Variants in DCXR observed in about 807,000 individuals in gnomAD.
DCXR encodes dicarbonyl and L-xylulose reductase, also known as L-xylulose reductase.
Under a neutral mutation model 25.9 loss-of-function variants are expected in DCXR, and 24 were observed. The observed-to-expected ratio is 0.93, with a 90% confidence interval of 0.67 to 1.30. The LOEUF (loss-of-function observed/expected upper bound fraction) is 1.30. Ranked by LOEUF, DCXR falls within the 50% of genes most tolerant of loss-of-function variation. The pLI is 0.00. For missense variants in DCXR, 348 were observed against 333.7 expected (o/e 1.04, Z -0.33); for synonymous variants, 161 against 141.7 (o/e 1.14, Z -0.97).
intron 7 of DCXR, 28 bp downstream of exon 7, chr17:82,036,163 A>C (rs772225756): frequency 6.2e-7 from 1 of 1,610,998 alleles, no homozygotes; most frequent in South Asian, 1.1e-5. Flanking sequence ...TGCTGGCACC[A>C]CGCTGGCTGG....
Position 82,036,544 on chromosome 17 carries a change from AGTAGAC to A in DCXR, c.442_447del (p.Val148_Tyr149del). 6.2e-7 allele frequency: 1 copy of A among 1,612,926 alleles called. No individual in the cohort carries two copies. Among genetic ancestry groups the A allele is most frequent in the East Asian group, 2.2e-5 (1 of 44,862 alleles). On this transcript the variant is annotated inframe_deletion and splice_region_variant, in exon 5 of 8. Coordinates refer to ENST00000306869, the MANE Select transcript of DCXR (RefSeq NM_016286.4). ...CTGAGGGCACAGCTGGGGCACTCAC[AGTAGAC>A]GCTATGGTTAGTTACTGCCCGCTGG...
chr17:82,036,731 T>A lies in DCXR; in HGVS notation c.338A>T (p.Gln113Leu). ...CACAGGGCAGCTCACCTGCGACACC[T>A]GGATGACCGCACGCAGGTTCACCTC... ...SFEVNLRAVI[Q>L]VSQIVARGLI... Residue 113 changes from glutamine (Q) to leucine (L), a missense_variant, in exon 4 of 8, where the codon CAG becomes CTG. Coordinates refer to ENST00000306869, the MANE Select transcript of DCXR (RefSeq NM_016286.4). 1 of 1,613,272 alleles carries A rather than the reference T, an allele frequency of 6.2e-7. No homozygotes were observed. The highest frequency in any genetic ancestry group is 1.3e-5 in the African/African-American group (1 of 74,910).
In DCXR at chr17:82,036,120, C is replaced by T. The variant is rs565143449; in HGVS notation, c.632-57G>A. On this transcript the variant is annotated intron_variant, in intron 7 of 7. Transcript: ENST00000306869. ...GGAAGGAGGCTGCCGCCCATCTTTC[C>T]CTCCCACCCCTACCCAGGGCACACA... The T allele has an allele frequency of 7.7e-5, 124 of 1,607,374 alleles. 1 individual carries two copies. In the South Asian group the frequency reaches 1.2e-3, roughly 15 times the overall value.
Position 82,037,452 on chromosome 17 carries a change from C to T in DCXR, c.148G>A (p.Glu50Lys), listed in dbSNP as rs758757097. The T allele has an allele frequency of 2.6e-6, 4 of 1,527,614 alleles. No individual in the cohort carries two copies. The South Asian group carries it at 4.8e-5, about 18-fold the overall frequency. 94.6% of individuals were successfully genotyped at this position (1,527,614 alleles called of 1,614,324 possible). Reference protein sequence around the residue: ...TQADLDSLVRECPGIEPVCVD... With the variant: ...TQADLDSLVRKCPGIEPVCVD... ...CGCTGGGACCCGGCGGGACCTACCTCGCGGACAAGGCTGTCAAGATCCGCC... is the reference window on the plus strand; with the variant it reads ...CGCTGGGACCCGGCGGGACCTACCTTGCGGACAAGGCTGTCAAGATCCGCC... The change falls in exon 2 of 8, where the codon GAG (glutamate) becomes AAG (lysine). Residue 50 changes from glutamate (E) to lysine (K), a missense_variant and splice_region_variant. Glu to Lys is a moderately conservative substitution (Grantham distance 56). Coordinates refer to ENST00000306869, the MANE Select transcript of DCXR (RefSeq NM_016286.4).
Position 82,036,910 on chromosome 17 carries a change from G to A in DCXR, c.254C>T (p.Ala85Val), listed in dbSNP as rs773751319. 2 of 1,612,980 alleles carry A rather than the reference G, an allele frequency of 1.2e-6. No individual in the cohort carries two copies. Among genetic ancestry groups the A allele is most frequent in the Non-Finnish European group, 8.5e-7 (1 of 1,179,962 alleles). The part of the protein sequence containing the change: ...GPVDLLVNNA[A>V]VALLQPFLEV... The stretch of plus-strand genomic sequence containing the variant: ...CAGGAAGGGCTGCAGCAGGGCGACA[G>A]CGGCGTTGTTCACCAGCAGGTCCAC... The change falls in exon 3 of 8, where the codon GCT becomes GTT. Residue 85 changes from alanine to valine, a missense_variant. Ala to Val is a moderately conservative substitution (Grantham distance 64). Transcript: ENST00000306869.
chr17:82,037,080 G>T, intron 2 of DCXR, 67 bp from the exon 3 acceptor site: 1 of 1,538,164 alleles, frequency 6.5e-7, no homozygotes, highest in Non-Finnish European at 8.8e-7. Flanking sequence ...GGGGACTGGG[G>T]CTGGTGACCT....
Position 82,035,949 on chromosome 17 carries a change from G to T in DCXR, c.*11C>A. ...GAGCACGGCATGGGGCTTGAGGTGT[G>T]TGGAGGGAGCTCAGCAGGCCCAGAA... On this transcript the variant is annotated 3_prime_UTR_variant, in exon 8 of 8. Coordinates refer to ENST00000306869, the MANE Select transcript of DCXR (RefSeq NM_016286.4). The T allele has an allele frequency of 6.2e-7, 1 of 1,609,136 alleles. No individual in the cohort carries two copies. The highest frequency in any genetic ancestry group is 1.1e-5 in the South Asian group (1 of 90,784).
At position 82,036,761 on chromosome 17, in the gene DCXR, G is replaced by GAGATCCTT. The variant is rs1198136960; in HGVS notation, c.307_308insAAGGATCT (p.Ser103Ter). ...GACCGCACGCAGGTTCACCTCAAAG[G>GAGATCCTT]ATCTAGAGGCCGAGGGACAGACCCT... On this transcript the variant is annotated stop_gained and frameshift_variant and splice_region_variant, in exon 4 of 8. Coordinates refer to ENST00000306869, the MANE Select transcript of DCXR (RefSeq NM_016286.4). LOFTEE classifies it high-confidence loss of function. The GAGATCCTT allele has an allele frequency of 8.1e-6, 13 of 1,613,502 alleles. No homozygotes were observed. The highest frequency in any genetic ancestry group is 1.0e-5 in the Non-Finnish European group (12 of 1,180,022).
In DCXR at chr17:82,036,958, C is replaced by CG; in HGVS notation, c.205dup (p.Arg69ProfsTer33). 6.3e-7 allele frequency: 1 copy of CG among 1,597,772 alleles called. No homozygotes were observed. The highest frequency in any genetic ancestry group is 1.1e-5 in the South Asian group (1 of 88,978). ...CACGGGGCCCACGCTGCCCAGCGCC[C>CG]GCTCGGTGGCCTCCCAGTCACCCAG... On this transcript the variant is annotated frameshift_variant, in exon 3 of 8. Coordinates refer to ENST00000306869, the MANE Select transcript of DCXR (RefSeq NM_016286.4). LOFTEE classifies it high-confidence loss of function.
chr17:82,036,733 G>C lies in DCXR; in HGVS notation c.336C>G (p.Ile112Met). ...CAGGGCAGCTCACCTGCGACACCTG[G>C]ATGACCGCACGCAGGTTCACCTCAA... ...RSFEVNLRAV[I>M]QVSQIVARGL... The change falls in exon 4 of 8, where the codon ATC (isoleucine) becomes ATG (methionine). Residue 112 changes from isoleucine to methionine, a missense_variant. Transcript: ENST00000306869. 1.2e-6 allele frequency: 2 copies of C among 1,613,630 alleles called. No homozygotes were observed. The highest frequency in any genetic ancestry group is 1.7e-6 in the Non-Finnish European group (2 of 1,180,010).
chr17:82,037,458 C>T lies in DCXR; in HGVS notation c.142G>A (p.Val48Ile). The T allele has an allele frequency of 6.5e-7, 1 of 1,528,868 alleles. No individual in the cohort carries two copies. Among genetic ancestry groups the T allele is most frequent in the Non-Finnish European group, 8.7e-7 (1 of 1,145,100 alleles). The allele number at this position is 1,528,868 out of a possible 1,614,324, so 94.7% of individuals were successfully genotyped here. Residue 48 changes from valine to isoleucine, a missense_variant, in exon 2 of 8, where the codon GTC (valine) becomes ATC (isoleucine). Physicochemically the swap from Val to Ile is conservative, Grantham distance 29. Transcript: ENST00000306869. ...SRTQADLDSLVRECPGIEPVC... is the reference protein window; with the variant it reads ...SRTQADLDSLIRECPGIEPVC... ...GACCCGGCGGGACCTACCTCGCGGACAAGGCTGTCAAGATCCGCCTGAGTC... is the reference window on the plus strand; with the variant it reads ...GACCCGGCGGGACCTACCTCGCGGATAAGGCTGTCAAGATCCGCCTGAGTC...
intron 6 of DCXR, 32 bp from the exon 7 acceptor site, chr17:82,036,340 A>G (rs1291334621): frequency 6.2e-7 from 1 of 1,613,180 alleles, no homozygotes; most frequent in Non-Finnish European, 8.5e-7. Context: ...CAGCAGGGCA[A>G]GTGGGGTGTC....
In DCXR at chr17:82,035,938, G is replaced by T; in HGVS notation, c.*22C>A. 6.3e-7 allele frequency: 1 copy of T among 1,597,352 alleles called. No individual in the cohort carries two copies. Among genetic ancestry groups the T allele is most frequent in the Non-Finnish European group, 8.6e-7 (1 of 1,166,756 alleles). On this transcript the variant is annotated 3_prime_UTR_variant, in exon 8 of 8. Coordinates refer to ENST00000306869, the MANE Select transcript of DCXR (RefSeq NM_016286.4). ...GGGGGTAGGATGAGCACGGCATGGG[G>T]CTTGAGGTGTGTGGAGGGAGCTCAG...
intron 2 of DCXR, 45 bp downstream of exon 2, chr17:82,037,405 C>A (rs1568022642): frequency 6.6e-7 from 1 of 1,509,210 alleles, no homozygotes; most frequent in Non-Finnish European, 8.8e-7. Flanking sequence ...CTGCCGCCCC[C>A]TCCTGGCTCG....
chr17:82,036,542 A>C lies in DCXR; in HGVS notation c.448+2T>G, dbSNP rs112902290. The stretch of plus-strand genomic sequence containing the variant: ...GGCTGAGGGCACAGCTGGGGCACTC[A>C]CAGTAGACGCTATGGTTAGTTACTG... On this transcript the variant is annotated splice_donor_variant, in intron 5 of 7. Transcript: ENST00000306869. LOFTEE classifies it high-confidence loss of function. The C allele has an allele frequency of 6.2e-7, 1 of 1,612,952 alleles. No individual in the cohort carries two copies. Among genetic ancestry groups the C allele is most frequent in the Admixed American group, 1.7e-5 (1 of 60,028 alleles).
At position 82,036,279 on chromosome 17, in the gene DCXR, C is replaced by G; in HGVS notation, c.543G>C (p.Val181=). The part of the protein sequence containing the change: ...KIRVNAVNPT[V]VMTSMGQATW... ...TGGCCTGGCCCATGGACGTCATCACCACTGTGGGGTTTACTGCATTCACTC... is the reference window on the plus strand; with the variant it reads ...TGGCCTGGCCCATGGACGTCATCACGACTGTGGGGTTTACTGCATTCACTC... The change falls in exon 7 of 8, where the codon GTG becomes GTC. Residue 181 remains valine, a synonymous_variant. Transcript: ENST00000306869. 3.7e-6 allele frequency: 6 copies of G among 1,610,870 alleles called. No individual in the cohort carries two copies. The highest frequency in any genetic ancestry group is 4.2e-6 in the Non-Finnish European group (5 of 1,178,754).
rs2043497943 is a variant in DCXR, at chr17:82,036,919, T to C, written c.245A>G (p.Asn82Ser). 6.2e-7 allele frequency: 1 copy of C among 1,612,700 alleles called. No homozygotes were observed. Among genetic ancestry groups the C allele is most frequent in the Admixed American group, 1.7e-5 (1 of 59,962 alleles). ...CTGCAGCAGGGCGACAGCGGCGTTGTTCACCAGCAGGTCCACGGGGCCCAC... is the reference window on the plus strand; with the variant it reads ...CTGCAGCAGGGCGACAGCGGCGTTGCTCACCAGCAGGTCCACGGGGCCCAC... ...GSVGPVDLLV[N>S]NAAVALLQPF... The change falls in exon 3 of 8, where the codon AAC becomes AGC. Residue 82 changes from asparagine to serine, a missense_variant. Asn to Ser is a conservative substitution (Grantham distance 46). Coordinates refer to ENST00000306869, the MANE Select transcript of DCXR (RefSeq NM_016286.4).
chr17:82,035,989 G>C lies in DCXR; in HGVS notation c.706C>G (p.Pro236Ala), dbSNP rs768716624. Residue 236 changes from proline (P) to alanine (A), a missense_variant, in exon 8 of 8, where the codon CCG (proline) becomes GCG (alanine). Physicochemically the swap from Pro to Ala is conservative, Grantham distance 27 (BLOSUM62 -1). Transcript: ENST00000306869. ...RSGMTTGSTL[P>A]VEGGFWAC ...CAGGCCCAGAAGCCCCCTTCCACCG[G>C]CAAAGTGGAACCCGTGGTCATGCCA... The C allele has an allele frequency of 1.2e-6, 2 of 1,613,138 alleles. No individual in the cohort carries two copies. Among genetic ancestry groups the C allele is most frequent in the South Asian group, 1.1e-5 (1 of 91,044 alleles).
chr17:82,036,885 C>T lies in DCXR; in HGVS notation c.279G>A (p.Leu93=), dbSNP rs1407972174. The T allele has an allele frequency of 1.2e-6, 2 of 1,613,088 alleles. No individual in the cohort carries two copies. The highest frequency in any genetic ancestry group is 1.7e-6 in the Non-Finnish European group (2 of 1,179,982). ...TGTCAAAGGCCTCCTTGGTGACCTC[C>T]AGGAAGGGCTGCAGCAGGGCGACAG... ...NAAVALLQPF[L]EVTKEAFDRS... The change falls in exon 3 of 8, where the codon CTG becomes CTA. Residue 93 remains leucine, a synonymous_variant. Coordinates refer to ENST00000306869, the MANE Select transcript of DCXR (RefSeq NM_016286.4).
Sources: gnomAD v4.1 joint callset for allele counts on GRCh38, gnomAD v4.1.1 for gene constraint, MANE v1.5 for transcripts, NCBI Gene and HGNC (gene_info 2026-07-23, HGNC 2026-07-21) for gene names.